TCF12: variants seen among roughly 807,000 people sequenced by gnomAD.
TCF12 encodes DNA-binding protein HTF4.
In TCF12, 45 loss-of-function variants were observed where a neutral mutation model predicts 86.0. The observed-to-expected ratio is 0.52, with a 90% CI of 0.41 to 0.67. The LOEUF (loss-of-function observed/expected upper bound fraction) is 0.67, where lower values mean the gene tolerates loss of function less well. TCF12 is among the 30% of genes least tolerant of loss of function. The probability of loss-of-function intolerance (pLI) is 0.00; values close to 1 mark genes in which losing one functional copy is unlikely to be tolerated. For missense variants in TCF12, 881 were observed against 859.9 expected (o/e 1.02, Z -0.31); for synonymous variants, 330 against 299.6 (o/e 1.10, Z -1.05).
intron 5 of TCF12, among the ~76,000 whole-genome samples, chr15:57,162,237 TAA>T (rs36063982): frequency 1.4e-4 from 21 of 147,224 alleles, no homozygotes; most frequent in Admixed American, 6.1e-4. Context: ...ATATTTATGT[TAA>T]AAAAAAAAAA....
intron 18 of TCF12, among the ~76,000 whole-genome samples, chr15:57,269,509 C>G (rs2061030799): frequency 6.6e-6 from 1 of 151,580 alleles, no homozygotes; most frequent in Non-Finnish European, 1.5e-5. Flanking sequence ...ACTCTTTATC[C>G]AATTTGTCAG....
chr15:57,046,074 C>T (rs1440540680), intron 3 of TCF12, among the ~76,000 whole-genome samples: 8 of 152,188 alleles, frequency 5.3e-5, no homozygotes, highest in African/African-American at 1.7e-4. Context: ...AGTTTCAGAT[C>T]GTTTACATTT....
chr15:57,168,899 A>G (rs1239253456), intron 6 of TCF12, among the ~76,000 whole-genome samples: 1 of 152,138 alleles, frequency 6.6e-6, no homozygotes, highest in Non-Finnish European at 1.5e-5. Flanking sequence ...TACAAAAATT[A>G]GCCGGGCGTG....
intron 4 of TCF12, among the ~76,000 whole-genome samples, chr15:57,067,518 G>A (rs1460985816): frequency 8.4e-6 from 1 of 119,356 alleles, no homozygotes; most frequent in Non-Finnish European, 1.6e-5. Context: ...CAGCCTGGGC[G>A]ACAGAGCGAG....
intron 5 of TCF12, among the ~76,000 whole-genome samples, chr15:57,141,886 A>G (rs1314580358): frequency 6.6e-6 from 1 of 152,184 alleles, no homozygotes. Context: ...TGGAAAGGTT[A>G]GGCAAAAATG....
intron 19 of TCF12, chr15:57,278,799 G>A (rs1003426882): frequency 2.1e-5 from 3 of 139,682 alleles, no homozygotes; most frequent in Non-Finnish European, 4.6e-5. Flanking sequence ...CTCTCTCTCC[G>A]TCCCTGTCTC....
intron 13 of TCF12, chr15:57,246,908 C>A: frequency 6.1e-6 from 3 of 491,492 alleles, no homozygotes; most frequent in Non-Finnish European, 1.2e-5. Context: ...GCTTTCCTGA[C>A]AACTCCTCGT....
At chr15:57,280,887 A>G (rs1401366476) in intron 19 of TCF12, among the ~76,000 whole-genome samples, 2 of 152,214 alleles carry the variant, frequency 1.3e-5, no homozygotes, top group Non-Finnish European at 2.9e-5. Flanking sequence ...GGCATTTTTA[A>G]TCCATTTATA....
intron 3 of TCF12, among the ~76,000 whole-genome samples, chr15:56,938,077 A>T (rs1425108479): frequency 8.7e-4 from 18 of 20,700 alleles, no homozygotes; most frequent in African/African-American, 1.4e-3. Context: ...GATAGCTAGT[A>T]TTTTGTTACG....
intron 6 of TCF12, among the ~76,000 whole-genome samples, chr15:57,170,641 TAATATATATATTATATAAA>T (rs1567557128): frequency 0.086 from 4,214 of 49,276 alleles, 248 homozygotes; most frequent in Admixed American, 0.093. Flanking sequence ...TATATATATA[TAATATATATATTATATAAA>T]ATATATATAT....
At chr15:56,989,646 T>C (rs775769250) in intron 3 of TCF12, among the ~76,000 whole-genome samples, 2 of 152,236 alleles carry the variant, frequency 1.3e-5, no homozygotes, top group African/African-American at 2.4e-5. Flanking sequence ...ATTGTAATTC[T>C]AGTCTTATTG....
intron 3 of TCF12, among the ~76,000 whole-genome samples, chr15:57,039,676 C>T (rs2066765064): frequency 6.6e-6 from 1 of 152,114 alleles, no homozygotes; most frequent in African/African-American, 2.4e-5. Flanking sequence ...AACTTTGTTT[C>T]CTGTCTCTCT....
rs562181661 is a variant in TCF12, at chr15:57,242,791, T to C, written c.1036-681T>C. Among the ~76,000 whole-genome samples, 23 of 152,372 alleles carry C rather than the reference T, an allele frequency of 1.5e-4. 1 individual carries two copies. The South Asian group carries it at 3.5e-3, about 23-fold the overall frequency. On this transcript the variant is annotated intron_variant, in intron 12 of 20. Transcript: ENST00000333725. ...GTTTGAGCCAGAATACCTAAATTTA[T>C]GCATCCGATAATTTATCCTTTTCAA...
intron 5 of TCF12, among the ~76,000 whole-genome samples, chr15:57,148,222 G>C (rs2151439936): frequency 6.6e-6 from 1 of 151,864 alleles, no homozygotes; most frequent in Non-Finnish European, 1.5e-5. Flanking sequence ...AAGAAAGAAA[G>C]AAAGGCTAGA....
At position 57,075,080 on chromosome 15, in the gene TCF12, C is replaced by T. The variant is rs144607881; in HGVS notation, c.222+11257C>T. On this transcript the variant is annotated intron_variant, in intron 4 of 20. Transcript: ENST00000333725. ...TTTAAATGTCATTTTACATCATAATCAGTTTGTTGCTTTGTGCACGGAGCA... is the reference window on the plus strand; with the variant it reads ...TTTAAATGTCATTTTACATCATAATTAGTTTGTTGCTTTGTGCACGGAGCA... 2.6e-3 allele frequency among the ~76,000 whole-genome samples: 400 copies of T among 152,230 alleles called. 6 individuals carry two copies. Among genetic ancestry groups the T allele is most frequent in the African/African-American group, 9.1e-3 (376 of 41,524 alleles).
intron 3 of TCF12, among the ~76,000 whole-genome samples, chr15:57,059,195 C>G (rs1416404011): frequency 6.6e-6 from 1 of 152,098 alleles, no homozygotes; most frequent in African/African-American, 2.4e-5. Context: ...TTCAGTGCTA[C>G]TAAAGGCAGA....
At chr15:57,141,904 T>A (rs1422607580) in intron 5 of TCF12, among the ~76,000 whole-genome samples, 1 of 152,134 alleles carries the variant, frequency 6.6e-6, no homozygotes, top group Non-Finnish European at 1.5e-5. Context: ...ATGTAGGAAC[T>A]CTTGGTTGAA....
chr15:57,095,645 C>A (rs998937999), intron 5 of TCF12, among the ~76,000 whole-genome samples: 1 of 152,026 alleles, frequency 6.6e-6, no homozygotes, highest in African/African-American at 2.4e-5. Flanking sequence ...ACTATTTTGC[C>A]TCTAGAGATG....
chr15:57,117,978 A>G (rs2050957903), intron 5 of TCF12, among the ~76,000 whole-genome samples: 1 of 152,138 alleles, frequency 6.6e-6, no homozygotes, highest in Admixed American at 6.5e-5. Context: ...AATTTCATTG[A>G]GTCATTTTTG....
Sources: allele counts gnomAD v4.1 joint callset (sites outside exome capture counted in the v4.1 genomes callset), GRCh38; gene constraint gnomAD v4.1.1; transcripts MANE v1.5; gene names NCBI Gene and HGNC (gene_info 2026-07-23, HGNC 2026-07-21).